Variants in DIP2A observed in about 807,000 individuals in gnomAD.
DIP2A encodes the protein disco-interacting protein 2 homolog A.
DIP2A carries 85 observed loss-of-function variants against 177.4 expected under a neutral mutation model. That is an observed-to-expected ratio of 0.48 (90% CI 0.40 to 0.57). The LOEUF (loss-of-function observed/expected upper bound fraction) is 0.57. Ranked by LOEUF, DIP2A falls within the 20% of genes least tolerant of loss-of-function variation. The probability of loss-of-function intolerance (pLI) is 0.00; values close to 1 mark genes in which losing one functional copy is unlikely to be tolerated. For synonymous variants in DIP2A, 886 were observed against 881.8 expected (o/e 1.00, Z -0.08); for missense variants, 1,791 against 2,100.2 (o/e 0.85, Z 2.88).
chr21:46,578,335 G>A, the DIP2A span, among the ~76,000 whole-genome samples: 12 of 148,878 alleles, frequency 8.1e-5, no homozygotes, highest in African/African-American at 1.5e-4. Flanking sequence ...CAAAAACAAC[G>A]ACAACAAAAA....
At chr21:46,484,716 T>C in intron 1 of DIP2A, 41 bp from the exon 2 acceptor site, 2 of 1,505,988 alleles carry the variant, frequency 1.3e-6, no homozygotes, top group Non-Finnish European at 1.8e-6. Flanking sequence ...AATTTTGGAA[T>C]TGTAGAAGAA....
At chr21:46,490,202 T>C (rs1418250266) in intron 2 of DIP2A, among the ~76,000 whole-genome samples, 1 of 152,222 alleles carries the variant, frequency 6.6e-6, no homozygotes, top group Non-Finnish European at 1.5e-5. Context: ...TTACCGACAC[T>C]GTAGAACAAT....
At chr21:46,470,485 A>G (rs535761001) in intron 1 of DIP2A, among the ~76,000 whole-genome samples, 3,382 of 149,420 alleles carry the variant, frequency 0.023, 55 homozygotes, top group Middle Eastern at 0.045. Flanking sequence ...AAAAAAAAAA[A>G]GGGGGGGCCA....
rs1014464391 is a variant in DIP2A, at chr21:46,554,851, G to T, written c.3306G>T (p.Thr1102=). 7.1e-7 allele frequency: 1 copy of T among 1,412,554 alleles called. No homozygotes were observed. The highest frequency in any genetic ancestry group is 9.3e-7 in the Non-Finnish European group (1 of 1,071,282). 87.5% of individuals were successfully genotyped at this position (1,412,554 alleles called of 1,614,324 possible). The change falls in exon 28 of 38, where the codon ACG becomes ACT. Residue 1102 remains threonine (T), a synonymous_variant. Coordinates refer to ENST00000417564, the MANE Select transcript of DIP2A (RefSeq NM_015151.4). ...EVSKSACVLT[T]QAVTRLLRSK... ...GCAAGTCTGCATGCGTCCTCACCAC[G>T]CAGGCTGTCACACGGCTGCTCAGGT...
rs755142608 is a variant in DIP2A, at chr21:46,497,119, C to G, written c.403+12C>G. The G allele has an allele frequency of 2.3e-5, 36 of 1,549,606 alleles. No homozygotes were observed. Among genetic ancestry groups the G allele is most frequent in the Non-Finnish European group, 3.0e-5 (35 of 1,156,670 alleles). On this transcript the variant is annotated intron_variant, in intron 4 of 37. Coordinates refer to ENST00000417564, the MANE Select transcript of DIP2A (RefSeq NM_015151.4). Reference sequence around the variant, plus strand: ...CTACACCCCTCCAGGTATTGATAAACAATGTCAAGTGTGGCTTTTTTTTGA... The same window carrying G: ...CTACACCCCTCCAGGTATTGATAAAGAATGTCAAGTGTGGCTTTTTTTTGA...
At chr21:46,581,851 A>T in the DIP2A span, among the ~76,000 whole-genome samples, 1 of 152,126 alleles carries the variant, frequency 6.6e-6, no homozygotes, top group East Asian at 1.9e-4. Context: ...CACCAACCTG[A>T]TGCTGGTGGG....
downstream of DIP2A, among the ~76,000 whole-genome samples, chr21:46,571,936 G>C (rs1456759396): frequency 6.6e-6 from 1 of 152,132 alleles, no homozygotes; most frequent in Non-Finnish European, 1.5e-5. Context: ...CCAATACTAT[G>C]TTGAGTAGGA....
chr21:46,561,109 C>G (rs2060647939), intron 33 of DIP2A: 16 of 788,248 alleles, frequency 2.0e-5, no homozygotes, highest in Non-Finnish European at 2.5e-5. Context: ...AGAGTGGCCC[C>G]TGTGACATTT....
At chr21:46,482,881 C>T (rs1489197167) in intron 1 of DIP2A, among the ~76,000 whole-genome samples, 5 of 152,338 alleles carry the variant, frequency 3.3e-5, no homozygotes, top group African/African-American at 1.2e-4. Context: ...CTCTCCTACA[C>T]ACATGCACAT....
the DIP2A span, among the ~76,000 whole-genome samples, chr21:46,582,669 G>A: frequency 6.6e-6 from 1 of 151,634 alleles, no homozygotes; most frequent in African/African-American, 2.4e-5. Flanking sequence ...GAGAACCTGG[G>A]TACCTCAGCT....
chr21:46,479,746 T>C (rs2056198350), intron 1 of DIP2A, among the ~76,000 whole-genome samples: 1 of 152,162 alleles, frequency 6.6e-6, no homozygotes, highest in South Asian at 2.1e-4. Context: ...TTGCCCAAGG[T>C]GGCTTCTAAC....
rs927022121 is a variant in DIP2A at position 46,459,179 on chromosome 21, G to C, written c.48G>C (p.Glu16Asp). 1.3e-6 allele frequency: 2 copies of C among 1,524,042 alleles called. No individual in the cohort carries two copies. Among genetic ancestry groups the C allele is most frequent in the Non-Finnish European group, 1.8e-6 (2 of 1,136,464 alleles). 94.4% of individuals were successfully genotyped at this position (1,524,042 alleles called of 1,614,324 possible). The change falls in exon 1 of 38, where the codon GAG becomes GAC. Residue 16 changes from glutamate (E) to aspartate (D), a missense_variant. Coordinates refer to ENST00000417564, the MANE Select transcript of DIP2A (RefSeq NM_015151.4). ...CPLEAAPLPAEVRESLAELEL... is the reference protein window; with the variant it reads ...CPLEAAPLPADVRESLAELEL... ...TGGAGGCGGCGCCGCTGCCTGCCGAGGTGCGGGAGAGCCTGGCTGAGCTGG... is the reference window on the plus strand; with the variant it reads ...TGGAGGCGGCGCCGCTGCCTGCCGACGTGCGGGAGAGCCTGGCTGAGCTGG...
At chr21:46,491,153 T>G (rs1049842140) in intron 3 of DIP2A, among the ~76,000 whole-genome samples, 1 of 152,246 alleles carries the variant, frequency 6.6e-6, no homozygotes, top group African/African-American at 2.4e-5. Context: ...GCCACTCTGT[T>G]TGGCAGTGCT....
At chr21:46,514,172 CA>C (rs2058440349) in intron 8 of DIP2A, among the ~76,000 whole-genome samples, 1 of 152,062 alleles carries the variant, frequency 6.6e-6, no homozygotes, top group Non-Finnish European at 1.5e-5. Context: ...CGGTGGCTCA[CA>C]CCTGTAATCC....
At chr21:46,581,615 C>G in the DIP2A span, among the ~76,000 whole-genome samples, 2 of 147,494 alleles carry the variant, frequency 1.4e-5, no homozygotes, top group African/African-American at 5.4e-5. Flanking sequence ...AGGCTGCTGA[C>G]CTTTGGATGG....
At chr21:46,549,637 C>T in intron 21 of DIP2A, 134 bp from the exon 22 acceptor site, 3 of 1,459,766 alleles carry the variant, frequency 2.1e-6, no homozygotes, top group Non-Finnish European at 2.7e-6. Flanking sequence ...TTTGAATGTG[C>T]AGCAGGTAGC....
chr21:46,521,144 T>C (rs914849885), intron 8 of DIP2A, among the ~76,000 whole-genome samples: 3 of 152,198 alleles, frequency 2.0e-5, no homozygotes, highest in African/African-American at 7.2e-5. Flanking sequence ...CTTTCCCTTC[T>C]TTTTCCTATA....
rs113022682 is a variant in DIP2A at position 46,539,729 on chromosome 21, G to A, written c.1922-148G>A. On this transcript the variant is annotated intron_variant, in intron 16 of 37. Transcript: ENST00000417564. ...TTCCTTGAAGAACATGAAGTCTGAG[G>A]GTACCTGTGAAGGGGCCCCTTCCTT... is the stretch of plus-strand genomic sequence containing the variant. 499 of 707,364 alleles carry A rather than the reference G, an allele frequency of 7.1e-4. 6 individuals are homozygous for A. In the African/African-American group the frequency reaches 7.2e-3, roughly 10 times the overall value. The allele number at this position is 707,364 out of a possible 1,614,324, so 43.8% of individuals were successfully genotyped here.
chr21:46,534,067 G>GGCACCC lies in DIP2A; in HGVS notation c.1494_1499dup (p.His499_Pro500dup). The GGCACCC allele has an allele frequency of 6.2e-7, 1 of 1,613,876 alleles. No homozygotes were observed. Among genetic ancestry groups the GGCACCC allele is most frequent in the Non-Finnish European group, 8.5e-7 (1 of 1,179,860 alleles). On this transcript the variant is annotated inframe_insertion, in exon 12 of 38. Coordinates refer to ENST00000417564, the MANE Select transcript of DIP2A (RefSeq NM_015151.4). The stretch of plus-strand genomic sequence containing the variant: ...CATCTAGCCAAGCCCCCAAAGGACT[G>GGCACCC]GCACCCTCTGGCCCAGGACACAGGG...
Sources: allele counts gnomAD v4.1 joint callset (sites outside exome capture counted in the v4.1 genomes callset), GRCh38; gene constraint gnomAD v4.1.1; transcripts MANE v1.5; gene names NCBI Gene and HGNC (gene_info 2026-07-23, HGNC 2026-07-21).